PDLIM5: variants seen among roughly 807,000 people sequenced by gnomAD.
PDLIM5 encodes PDZ and LIM domain 5.
Under a neutral mutation model 64.2 loss-of-function variants are expected in PDLIM5, and 34 were observed. The ratio of observed to expected loss-of-function variants is 0.53; its 90% CI spans 0.40 to 0.71. The LOEUF (loss-of-function observed/expected upper bound fraction) is 0.71, where lower values mean the gene tolerates loss of function less well. Among genes scored for constraint, PDLIM5 ranks in the 30% least tolerant of loss-of-function variants. The pLI, the probability that PDLIM5 is intolerant of heterozygous loss-of-function variation, is 0.00. For synonymous variants in PDLIM5, 253 were observed against 269.1 expected (o/e 0.94, Z 0.59); for missense variants, 683 against 733.6 (o/e 0.93, Z 0.80).
chr4:94,484,679 T>C (rs1228542453), intron 2 of PDLIM5, among the ~76,000 whole-genome samples: 1 of 152,144 alleles, frequency 6.6e-6, no homozygotes, highest in Non-Finnish European at 1.5e-5. Context: ...AAGAACCATG[T>C]AGGGGTTTGT....
chr4:94,641,059 C>T (rs1038525346), intron 9 of PDLIM5, among the ~76,000 whole-genome samples: 2 of 152,202 alleles, frequency 1.3e-5, no homozygotes, highest in Non-Finnish European at 2.9e-5. Flanking sequence ...TGTACTGCAG[C>T]TTATTGAATC....
Position 94,662,464 on chromosome 4 carries a change from T to C in PDLIM5, c.1628T>C (p.Phe543Ser). 6.2e-7 allele frequency: 1 copy of C among 1,604,864 alleles called. No homozygotes were observed. The highest frequency in any genetic ancestry group is 8.5e-7 in the Non-Finnish European group (1 of 1,171,606). ...LFGTICHGCE[F>S]PIEAGDMFLE... is the part of the protein sequence containing the mutation. ...GGTACTATATGCCATGGATGTGAAT[T>C]TCCCATAGAAGCTGGTGACATGTTC... Residue 543 changes from phenylalanine to serine, a missense_variant, in exon 12 of 13, where the codon TTT (phenylalanine) becomes TCT (serine). Transcript: ENST00000317968.
intron 5 of PDLIM5, among the ~76,000 whole-genome samples, chr4:94,583,697 A>T (rs1044277506): frequency 1.4e-4 from 22 of 152,192 alleles, no homozygotes; most frequent in Non-Finnish European, 1.5e-4. Context: ...CCATATTACC[A>T]TAAGTTATAG....
In PDLIM5 at chr4:94,624,736, T is replaced by C. The variant is rs371046413; in HGVS notation, c.1108+6545T>C. Among the ~76,000 whole-genome samples the C allele has an allele frequency of 1.5e-4, 23 of 152,222 alleles. No individual in the cohort carries two copies. In the South Asian group the frequency reaches 2.1e-3, roughly 14 times the overall value. On this transcript the variant is annotated intron_variant, in intron 8 of 12. Transcript: ENST00000317968. ...CAACATATGCAAAAACTGAGAGAAT[T>C]TGGCTTCGGGTAGGAAAGACAAGTA...
chr4:94,534,338 T>G (rs1731138622), intron 3 of PDLIM5, among the ~76,000 whole-genome samples: 1 of 152,218 alleles, frequency 6.6e-6, no homozygotes, highest in Non-Finnish European at 1.5e-5. Flanking sequence ...AGAATAAATT[T>G]TCTTTTAAAA....
At chr4:94,606,528 G>A (rs1737936971) in intron 7 of PDLIM5, among the ~76,000 whole-genome samples, 1 of 152,156 alleles carries the variant, frequency 6.6e-6, no homozygotes, top group South Asian at 2.1e-4. Context: ...AGAGATGGAA[G>A]GCCCAGTGGA....
At chr4:94,503,887 A>G (rs1728151248) in intron 2 of PDLIM5, among the ~76,000 whole-genome samples, 1 of 152,196 alleles carries the variant, frequency 6.6e-6, no homozygotes, top group Non-Finnish European at 1.5e-5. Flanking sequence ...TACATTTATT[A>G]TATGCAGAAT....
chr4:94,473,928 C>T (rs1328169568), intron 2 of PDLIM5, among the ~76,000 whole-genome samples: 1 of 152,026 alleles, frequency 6.6e-6, no homozygotes, highest in African/African-American at 2.4e-5. Context: ...GGAGTGGTGA[C>T]TAATTTATTT....
intron 5 of PDLIM5, chr4:94,582,652 CG>C: frequency 1.0e-6 from 1 of 982,310 alleles, no homozygotes; most frequent in South Asian, 1.5e-5. Context: ...GTTCATCTTC[CG>C]GGGAACATCA....
In PDLIM5 at chr4:94,667,706, T is replaced by G. The variant is rs1743142201; in HGVS notation, c.*3639T>G. The stretch of plus-strand genomic sequence containing the variant: ...CTAAAACTAAAACCTAATCATTTAG[T>G]CACAGTGTAAAAACAAATGGAAATA... On this transcript the variant is annotated 3_prime_UTR_variant, in exon 13 of 13. Coordinates refer to ENST00000317968, the MANE Select transcript of PDLIM5 (RefSeq NM_006457.5). 6.6e-6 allele frequency: 1 copy of G among 152,174 alleles called. No homozygotes were observed. The highest frequency in any genetic ancestry group is 1.5e-5 in the Non-Finnish European group (1 of 68,024). The allele number at this position is 152,174 out of a possible 1,614,324, so 9.4% of individuals were successfully genotyped here. A position where few individuals can be genotyped will look rare whatever the true frequency, so the allele number is the denominator to read the frequency against.
intron 7 of PDLIM5, among the ~76,000 whole-genome samples, chr4:94,617,432 T>C (rs1021014405): frequency 1.3e-5 from 2 of 152,148 alleles, no homozygotes; most frequent in Non-Finnish European, 2.9e-5. Flanking sequence ...GTTTATTGTT[T>C]TGTGGCCAGT....
At chr4:94,460,704 C>T (rs1014293362) in intron 2 of PDLIM5, among the ~76,000 whole-genome samples, 5 of 151,674 alleles carry the variant, frequency 3.3e-5, no homozygotes, top group Admixed American at 1.3e-4. Flanking sequence ...TTCATCTACT[C>T]GTGAGTTAGG....
chr4:94,456,800 G>T (rs1723412301), intron 2 of PDLIM5: 1 of 1,169,698 alleles, frequency 8.5e-7, no homozygotes, highest in African/African-American at 1.6e-5. Context: ...CTATTTTTGT[G>T]CCAGTCTTAC....
intron 10 of PDLIM5, chr4:94,656,908 A>T (rs1742253653): frequency 6.6e-6 from 1 of 152,040 alleles, no homozygotes; most frequent in East Asian, 1.9e-4. Context: ...TGCTGGGATT[A>T]CAGGTGTGAG....
intron 2 of PDLIM5, among the ~76,000 whole-genome samples, chr4:94,488,718 C>T (rs758974606): frequency 6.6e-5 from 10 of 152,174 alleles, no homozygotes; most frequent in Non-Finnish European, 1.2e-4. Flanking sequence ...TTCTACTTTT[C>T]GAGTCAGATC....
chr4:94,452,158 C>G lies in PDLIM5; in HGVS notation c.-43+163C>G, dbSNP rs988905992. Reference sequence around the variant, plus strand: ...CCTCAGGTGCTTTCTGGGCGCGGAGCGGCGGAGGTGGGAGAGCAGCTTGGG... The same window carrying G: ...CCTCAGGTGCTTTCTGGGCGCGGAGGGGCGGAGGTGGGAGAGCAGCTTGGG... On this transcript the variant is annotated intron_variant, in intron 1 of 12. Transcript: ENST00000317968. Among the ~76,000 whole-genome samples the G allele has an allele frequency of 2.7e-4, 41 of 152,290 alleles. 1 individual carries two copies. The highest frequency in any genetic ancestry group is 2.4e-3 in the Admixed American group (37 of 15,312).
At chr4:94,577,712 T>A (rs1002280427) in intron 5 of PDLIM5, among the ~76,000 whole-genome samples, 2 of 151,858 alleles carry the variant, frequency 1.3e-5, no homozygotes, top group Non-Finnish European at 2.9e-5. Flanking sequence ...AAACAGAAGT[T>A]TACCATGTTT....
At chr4:94,466,720 A>G (rs1238499536) in intron 2 of PDLIM5, among the ~76,000 whole-genome samples, 1 of 152,192 alleles carries the variant, frequency 6.6e-6, no homozygotes, top group South Asian at 2.1e-4. Flanking sequence ...CTGATTTTTC[A>G]GAGTTCAGTC....
intron 3 of PDLIM5, among the ~76,000 whole-genome samples, chr4:94,549,459 C>G (rs1163137584): frequency 2.0e-5 from 3 of 152,068 alleles, no homozygotes; most frequent in Non-Finnish European, 4.4e-5. Context: ...TAGATATACT[C>G]ACAAATGTGT....
Sources: gnomAD v4.1 joint callset for allele counts (sites outside exome capture counted in the v4.1 genomes callset) on GRCh38, gnomAD v4.1.1 for gene constraint, MANE v1.5 for transcripts, NCBI Gene and HGNC (gene_info 2026-07-23, HGNC 2026-07-21) for gene names.